The following ZNF91 variants were observed in gnomAD, a reference collection of about 807,000 sequenced individuals.
ZNF91 encodes zinc finger protein 91.
A neutral mutation model predicts 12.6 loss-of-function variants in ZNF91; 7 were observed. The ratio of observed to expected loss-of-function variants is 0.55; its 90% CI spans 0.31 to 1.04. The LOEUF (loss-of-function observed/expected upper bound fraction) is 1.04, where lower values mean the gene tolerates loss of function less well. ZNF91 is among the 50% of genes least tolerant of loss of function. ZNF91 has a pLI of 0.05. For synonymous variants in ZNF91, 453 were observed against 462.6 expected, an observed-to-expected ratio of 0.98 and a Z score of 0.27; for missense variants, 1,217 against 1,385.4, an observed-to-expected ratio of 0.88 and a Z score of 1.93.
At chr19:23,345,662 C>A (rs295389) in intron 3 of ZNF91, among the ~76,000 whole-genome samples, 1 of 151,658 alleles carries the variant, frequency 6.6e-6, no homozygotes, top group South Asian at 2.1e-4. Flanking sequence ...CCAGCCCCTA[C>A]CTCTCCCTCT....
At chr19:23,344,229 G>A (rs1325332600) in intron 3 of ZNF91, among the ~76,000 whole-genome samples, 1 of 151,894 alleles carries the variant, frequency 6.6e-6, no homozygotes, top group Non-Finnish European at 1.5e-5. Flanking sequence ...CGAGTAGCTG[G>A]GACTACTGGC....
In ZNF91 at chr19:23,351,197, T is replaced by C. The variant is rs970006488; in HGVS notation, c.254-12143A>G. On this transcript the variant is annotated intron_variant, in intron 3 of 3. Transcript: ENST00000599743. Reference sequence around the variant, plus strand: ...AAAATTAGCTGGGCATGATGGCGCATGCCTGTAATCCCAGCTACTTGGAGG... The same window carrying C: ...AAAATTAGCTGGGCATGATGGCGCACGCCTGTAATCCCAGCTACTTGGAGG... Among the ~76,000 whole-genome samples, 10 of 152,048 alleles carry C rather than the reference T, an allele frequency of 6.6e-5. No homozygotes were observed. The East Asian group carries it at 1.7e-3, about 26-fold the overall frequency.
At chr19:23,354,377 C>T (rs1458809985), downstream of ZNF91, among the ~76,000 whole-genome samples, 1 of 152,094 alleles carries the variant, frequency 6.6e-6, no homozygotes, top group African/African-American at 2.4e-5. Flanking sequence ...ACATGATCAT[C>T]TGAATAGATG....
chr19:23,373,549 T>C (rs7255282), intron 3 of ZNF91, among the ~76,000 whole-genome samples, 193 bp downstream of exon 3: 4,257 of 151,914 alleles, frequency 0.028, 189 homozygotes, highest in African/African-American at 0.096. Flanking sequence ...AGAAAGATCA[T>C]TGAAGGGAAA....
intron 3 of ZNF91, among the ~76,000 whole-genome samples, chr19:23,363,873 A>T (rs557409996): frequency 6.6e-6 from 1 of 152,184 alleles, no homozygotes; most frequent in Non-Finnish European, 1.5e-5. Context: ...ATAAAAACTG[A>T]TAGATCCTAA....
chr19:23,354,043 C>T (rs925934764), downstream of ZNF91, among the ~76,000 whole-genome samples: 3 of 152,126 alleles, frequency 2.0e-5, no homozygotes, highest in African/African-American at 7.2e-5. Context: ...ATTCTTTTGA[C>T]ACTATTCCAC....
intron 1 of ZNF91, among the ~76,000 whole-genome samples, chr19:23,323,549 CTCT>C (rs1283216727): frequency 7.7e-5 from 11 of 142,552 alleles, no homozygotes; most frequent in Non-Finnish European, 1.2e-4. Context: ...TTTTTCTCTC[CTCT>C]TCCTTTTTCC....
rs556083864 is a variant in ZNF91 at position 23,316,046 on chromosome 19, AG to A, written n.117-6950del. ...ACTCTTCTGCATGAGCCCTGAAGAC[AG>A]GGGTATTATATGATACAATTTATTC... On this transcript the variant is annotated intron_variant and non_coding_transcript_variant, in intron 1 of 1. Coordinates refer to the ZNF91 transcript ENST00000596528. Among the ~76,000 whole-genome samples, 300 of 152,276 alleles carry A rather than the reference AG, an allele frequency of 2.0e-3. 1 individual carries two copies. The highest frequency in any genetic ancestry group is 6.3e-3 in the African/African-American group (260 of 41,568).
intron 1 of ZNF91, among the ~76,000 whole-genome samples, chr19:23,394,427 G>T (rs1260189220): frequency 6.6e-6 from 1 of 152,120 alleles, no homozygotes; most frequent in East Asian, 1.9e-4. Flanking sequence ...TTTCCACCTA[G>T]ATTGTAAAAA....
intron 1 of ZNF91, chr19:23,325,124 C>T (rs186959324): frequency 1.3e-5 from 2 of 151,356 alleles, no homozygotes; most frequent in African/African-American, 2.4e-5. Context: ...CTTCCACTTT[C>T]CACTTTATTA....
chr19:23,318,265 A>T lies in ZNF91; in HGVS notation n.117-9168T>A, dbSNP rs187990756. Among the ~76,000 whole-genome samples, 100 of 151,840 alleles carry T rather than the reference A, an allele frequency of 6.6e-4. 1 individual carries two copies. Among genetic ancestry groups the T allele is most frequent in the African/African-American group, 2.3e-3 (94 of 41,406 alleles). On this transcript the variant is annotated intron_variant and non_coding_transcript_variant, in intron 1 of 1. Coordinates refer to the ZNF91 transcript ENST00000596528. ...CTGGGTCCAAAACTCAGATGATATAACTCTCCTGCCTGGTCCCTGCCTACA... is the reference window on the plus strand; with the variant it reads ...CTGGGTCCAAAACTCAGATGATATATCTCTCCTGCCTGGTCCCTGCCTACA...
At chr19:23,312,078 G>C (rs1251330915), upstream of ZNF91, among the ~76,000 whole-genome samples, 1 of 152,014 alleles carries the variant, frequency 6.6e-6, no homozygotes, top group Admixed American at 6.6e-5. Flanking sequence ...CCATATCCCT[G>C]GCTGAAAACA....
intron 1 of ZNF91, 45 bp downstream of exon 1, chr19:23,395,280 C>A: frequency 6.2e-7 from 1 of 1,606,974 alleles, no homozygotes; most frequent in Non-Finnish European, 8.5e-7. Flanking sequence ...CCGGTTTCAA[C>A]GAGCCCCGTT....
chr19:23,384,864 T>C (rs563896606), intron 1 of ZNF91: 11 of 746,776 alleles, frequency 1.5e-5, no homozygotes, highest in South Asian at 7.0e-5. Flanking sequence ...TCACGATCAC[T>C]GGAGGGTCCC....
intron 3 of ZNF91, among the ~76,000 whole-genome samples, chr19:23,370,889 CAG>C (rs1387599766): frequency 2.0e-5 from 3 of 151,930 alleles, no homozygotes; most frequent in Admixed American, 6.6e-5. Context: ...GGAAAAAAGA[CAG>C]AAAAAATAAA....
At chr19:23,366,580 A>G (rs558607575) in intron 3 of ZNF91, among the ~76,000 whole-genome samples, 58 of 152,360 alleles carry the variant, frequency 3.8e-4, no homozygotes, top group African/African-American at 1.3e-3. Context: ...CTGTGCCAGC[A>G]TCTGCTTCTG....
At chr19:23,305,283 A>C (rs1967383219) in intron 3 of ZNF91, among the ~76,000 whole-genome samples, 1 of 152,218 alleles carries the variant, frequency 6.6e-6, no homozygotes, top group African/African-American at 2.4e-5. Context: ...ATAAAAAAAA[A>C]GGTAAGTCAG....
intron 1 of ZNF91, among the ~76,000 whole-genome samples, chr19:23,380,126 G>C (rs1201209553): frequency 6.6e-6 from 1 of 150,482 alleles, no homozygotes; most frequent in East Asian, 1.9e-4. Flanking sequence ...TGGGCATGGT[G>C]GTGGGCACCT....
intron 3 of ZNF91, chr19:23,342,150 C>T: frequency 2.2e-6 from 1 of 456,624 alleles, no homozygotes; most frequent in Non-Finnish European, 4.0e-6. Context: ...CTGTTATCTG[C>T]TTCATTCATG....
Sources: allele counts gnomAD v4.1 joint callset (sites outside exome capture counted in the v4.1 genomes callset), GRCh38; gene constraint gnomAD v4.1.1; transcripts MANE v1.5; gene names NCBI Gene and HGNC (gene_info 2026-07-23, HGNC 2026-07-21).